The following BCL2L13 variants were observed in gnomAD, a reference collection of about 807,000 sequenced individuals.
BCL2L13 encodes the protein bcl-2-like protein 13.
A neutral mutation model predicts 25.8 loss-of-function variants in BCL2L13; 13 were observed. That is an observed-to-expected ratio of 0.50 (90% CI 0.33 to 0.80). The LOEUF (loss-of-function observed/expected upper bound fraction) is 0.80, where lower values mean the gene tolerates loss of function less well. Among genes scored for constraint, BCL2L13 ranks in the 30% least tolerant of loss-of-function variants. The pLI, the probability that BCL2L13 is intolerant of heterozygous loss-of-function variation, is 0.02. For synonymous variants in BCL2L13, 244 were observed against 230.3 expected (o/e 1.06, Z -0.54); for missense variants, 504 against 574.9 (o/e 0.88, Z 1.26).
intron 1 of BCL2L13, among the ~76,000 whole-genome samples, chr22:17,650,991 C>CTTTT (rs35235295): frequency 1.4e-4 from 15 of 105,406 alleles, no homozygotes; most frequent in Admixed American, 2.5e-4. Flanking sequence ...CCATTCACTC[C>CTTTT]TTTTTTTTTT....
At position 17,727,277 on chromosome 22, in the gene BCL2L13, G is replaced by A. The variant is rs139164101; in HGVS notation, c.1201G>A (p.Ala401Thr). Reference sequence around the variant, plus strand: ...TACTGAAGTGGAGGAGGTGGTCCCCGCACTGGAACCCACAGAAACGCTGCT... The same window carrying A: ...TACTGAAGTGGAGGAGGTGGTCCCCACACTGGAACCCACAGAAACGCTGCT... ...EPTEVEEVVP[A>T]LEPTETLLSE... The change falls in exon 7 of 7, where the codon GCA becomes ACA. Residue 401 changes from alanine to threonine, a missense_variant. Physicochemically the swap from Ala to Thr is moderately conservative, Grantham distance 58. Coordinates refer to ENST00000317582, the MANE Select transcript of BCL2L13 (RefSeq NM_015367.4). The A allele has an allele frequency of 2.0e-4, 318 of 1,614,238 alleles. 2 individuals carry two copies. The highest frequency in any genetic ancestry group is 3.3e-4 in the Middle Eastern group (2 of 6,062).
At chr22:17,684,144 T>A (rs1007469514) in intron 3 of BCL2L13, among the ~76,000 whole-genome samples, 1 of 152,072 alleles carries the variant, frequency 6.6e-6, no homozygotes, top group Non-Finnish European at 1.5e-5. Flanking sequence ...AGATATATTT[T>A]ACATACCATA....
intron 6 of BCL2L13, among the ~76,000 whole-genome samples, chr22:17,714,624 C>T (rs905511348): frequency 6.6e-6 from 1 of 152,150 alleles, no homozygotes; most frequent in South Asian, 2.1e-4. Flanking sequence ...TAACAAAAGA[C>T]CTCTACTAGA....
intron 1 of BCL2L13, among the ~76,000 whole-genome samples, chr22:17,629,867 A>G (rs2088077717): frequency 6.6e-6 from 1 of 150,896 alleles, no homozygotes; most frequent in Admixed American, 6.6e-5. Flanking sequence ...TTAGTGTGTC[A>G]TAAGAACGAG....
At position 17,643,384 on chromosome 22, in the gene BCL2L13, G is replaced by A. The variant is rs796445883; in HGVS notation, c.-51+4498G>A. ...CTCCCAAAGTGCTGGGATTACAGGT[G>A]TGAGCCACCGCGCCCGGCCATTTCA... On this transcript the variant is annotated intron_variant, in intron 1 of 6. Transcript: ENST00000317582. Among the ~76,000 whole-genome samples, 7 of 152,070 alleles carry A rather than the reference G, an allele frequency of 4.6e-5. No individual in the cohort carries two copies. The South Asian group carries it at 1.5e-3, about 32-fold the overall frequency.
chr22:17,704,042 T>C (rs2060518636), intron 6 of BCL2L13, among the ~76,000 whole-genome samples: 1 of 152,224 alleles, frequency 6.6e-6, no homozygotes, highest in African/African-American at 2.4e-5. Flanking sequence ...TCAACTCCAG[T>C]ATCTGTGCCA....
Position 17,696,437 on chromosome 22 carries a change from C to A in BCL2L13, c.456+227C>A, listed in dbSNP as rs78404346. Among the ~76,000 whole-genome samples, 500 of 152,278 alleles carry A rather than the reference C, an allele frequency of 3.3e-3. 3 individuals carry two copies. Among genetic ancestry groups the A allele is most frequent in the African/African-American group, 0.012 (484 of 41,548 alleles). On this transcript the variant is annotated intron_variant, in intron 5 of 6. Transcript: ENST00000317582. ...TAGTATGGCCCCTTCCTTTCTGTCC[C>A]AATTTTCCCATCATTTCTTCATTTC...
At chr22:17,680,793 G>A (rs1468824608) in intron 2 of BCL2L13, among the ~76,000 whole-genome samples, 1 of 152,106 alleles carries the variant, frequency 6.6e-6, no homozygotes, top group Non-Finnish European at 1.5e-5. Context: ...TTATAATGAG[G>A]CTGGTGATTA....
intron 2 of BCL2L13, among the ~76,000 whole-genome samples, chr22:17,674,652 G>A (rs1462847447): frequency 6.7e-6 from 1 of 149,922 alleles, no homozygotes; most frequent in Non-Finnish European, 1.5e-5. Flanking sequence ...TTGCTATGTT[G>A]CCCAGGCTGG....
At chr22:17,656,614 T>C (rs890848937) in intron 2 of BCL2L13, among the ~76,000 whole-genome samples, 5 of 151,924 alleles carry the variant, frequency 3.3e-5, no homozygotes, top group African/African-American at 1.2e-4. Flanking sequence ...CCCAAAGTGC[T>C]GGGATTATGG....
intron 1 of BCL2L13, among the ~76,000 whole-genome samples, chr22:17,639,742 C>G (rs1023956305): frequency 1.3e-5 from 2 of 152,122 alleles, no homozygotes. Context: ...ACAAAAACTT[C>G]TTTGGCGAAA....
chr22:17,631,666 GTGTGTATATATATATA>G (rs1276667542), intron 1 of BCL2L13, among the ~76,000 whole-genome samples: 1 of 21,422 alleles, frequency 4.7e-5, no homozygotes, highest in African/African-American at 1.7e-4. Context: ...GTATGTGTGT[GTGTGTATATATATATA>G]TATATATATA....
At chr22:17,707,236 A>G (rs1568998282) in intron 6 of BCL2L13, among the ~76,000 whole-genome samples, 1 of 152,124 alleles carries the variant, frequency 6.6e-6, no homozygotes, top group East Asian at 1.9e-4. Context: ...GTACTCTGAA[A>G]TGTGTTTTTT....
chr22:17,657,094 C>T (rs1207859526), intron 2 of BCL2L13, among the ~76,000 whole-genome samples: 1 of 152,212 alleles, frequency 6.6e-6, no homozygotes, highest in Non-Finnish European at 1.5e-5. Context: ...GCTGGGATTA[C>T]AGGCGTGAGC....
chr22:17,677,535 C>A (rs1189083830), intron 2 of BCL2L13, among the ~76,000 whole-genome samples: 2 of 152,226 alleles, frequency 1.3e-5, no homozygotes, highest in South Asian at 4.1e-4. Context: ...AATTTGAGAC[C>A]AGCCTGGCCA....
At chr22:17,658,050 G>C (rs113539433) in intron 2 of BCL2L13, among the ~76,000 whole-genome samples, 8,043 of 151,582 alleles carry the variant, frequency 0.053, 350 homozygotes, top group African/African-American at 0.12. Context: ...TCGATCTCCT[G>C]ACCTCGTGAT....
At position 17,727,708 on chromosome 22, in the gene BCL2L13, C is replaced by T; in HGVS notation, c.*174C>T. ...GTTAGGGCTTGAGGTGGGGCATTCA[C>T]ATTCATCTGACTGTAAATCCCAAGG... is the stretch of plus-strand genomic sequence containing the variant. On this transcript the variant is annotated 3_prime_UTR_variant, in exon 7 of 7. Coordinates refer to ENST00000317582, the MANE Select transcript of BCL2L13 (RefSeq NM_015367.4). 1.2e-6 allele frequency: 1 copy of T among 814,414 alleles called. No individual in the cohort carries two copies. Among genetic ancestry groups the T allele is most frequent in the Non-Finnish European group, 1.9e-6 (1 of 530,952 alleles). 50.4% of individuals were successfully genotyped at this position (814,414 alleles called of 1,614,324 possible).
intron 4 of BCL2L13, among the ~76,000 whole-genome samples, chr22:17,693,777 C>A (rs1270068814): frequency 6.6e-6 from 1 of 151,882 alleles, no homozygotes; most frequent in Non-Finnish European, 1.5e-5. Flanking sequence ...GCTCTTGTTG[C>A]CCAGACTGAA....
Position 17,702,339 on chromosome 22 carries a change from T to C in BCL2L13, c.553T>C (p.Tyr185His). The change falls in exon 6 of 7, where the codon TAC becomes CAC. Residue 185 changes from tyrosine to histidine, a missense_variant. Transcript: ENST00000317582. ...LSALLQFGVT[Y>H]LEDYSAEYII... Reference sequence around the variant, plus strand: ...CGCACTGCTGCAGTTTGGCGTGACATACCTGGAGGACTATTCGGCAGAGTA... The same window carrying C: ...CGCACTGCTGCAGTTTGGCGTGACACACCTGGAGGACTATTCGGCAGAGTA... The C allele has an allele frequency of 6.2e-7, 1 of 1,612,248 alleles. No individual in the cohort carries two copies. The highest frequency in any genetic ancestry group is 8.5e-7 in the Non-Finnish European group (1 of 1,179,064).
Sources: allele counts gnomAD v4.1 joint callset (sites outside exome capture counted in the v4.1 genomes callset), GRCh38; gene constraint gnomAD v4.1.1; transcripts MANE v1.5; gene names NCBI Gene and HGNC (gene_info 2026-07-23, HGNC 2026-07-21).